The following NOVA1 variants were observed in gnomAD, a reference collection of about 807,000 sequenced individuals.
The protein encoded by NOVA1 is RNA-binding protein Nova-1.
In NOVA1, 7 loss-of-function variants were observed where a neutral mutation model predicts 38.0. The ratio of observed to expected loss-of-function variants is 0.18; its 90% CI spans 0.10 to 0.35. NOVA1 has a LOEUF of 0.35. NOVA1 is among the 10% of genes least tolerant of loss of function. The probability of loss-of-function intolerance (pLI) is 1.00; values close to 1 mark genes in which losing one functional copy is unlikely to be tolerated. For missense variants in NOVA1, 460 were observed against 616.0 expected, an observed-to-expected ratio of 0.75 and a Z score of 2.68; for synonymous variants, 270 against 232.5, an observed-to-expected ratio of 1.16 and a Z score of -1.47.
intron 2 of NOVA1, among the ~76,000 whole-genome samples, chr14:26,569,523 T>C (rs888720815): frequency 6.6e-6 from 1 of 152,220 alleles, no homozygotes; most frequent in African/African-American, 2.4e-5. Context: ...GAAGTAGATG[T>C]GAATGATACG....
chr14:26,577,611 A>G (rs960644314), intron 2 of NOVA1, among the ~76,000 whole-genome samples: 3 of 152,112 alleles, frequency 2.0e-5, no homozygotes, highest in Non-Finnish European at 2.9e-5. Context: ...TAAGGCAAGT[A>G]TCTTAAATAT....
rs930955589 is a variant in NOVA1 at position 26,445,343 on chromosome 14, T to G, written c.*2616A>C. ...GTCTATAAATTTCAGAGAATAAATT[T>G]TTAAACAGCATGAAGCTGATTTACA... On this transcript the variant is annotated 3_prime_UTR_variant, in exon 5 of 5. Transcript: ENST00000539517. The G allele has an allele frequency of 6.6e-6, 1 of 152,216 alleles. No individual in the cohort carries two copies. The highest frequency in any genetic ancestry group is 1.5e-5 in the Non-Finnish European group (1 of 68,050). 9.4% of individuals were successfully genotyped at this position (152,216 alleles called of 1,614,324 possible).
rs1884632967 is a variant in NOVA1 at position 26,472,149 on chromosome 14, A to G, written c.519+171T>C. The G allele has an allele frequency of 5.7e-6, 3 of 526,488 alleles. No individual in the cohort carries two copies. In the Admixed American group the frequency reaches 9.4e-5, roughly 16 times the overall value. The allele number at this position is 526,488 out of a possible 1,614,324, so 32.6% of individuals were successfully genotyped here. A position where few individuals can be genotyped will look rare whatever the true frequency, so the allele number is the denominator to read the frequency against. ...ATTTGTTATCTAAAATTAAAAATGC[A>G]TATAAAATTTTAGAAATAATTGATA... On this transcript the variant is annotated intron_variant, in intron 4 of 4. Coordinates refer to ENST00000539517, the MANE Select transcript of NOVA1 (RefSeq NM_002515.3).
intron 2 of NOVA1, among the ~76,000 whole-genome samples, chr14:26,526,948 T>A (rs576359084): frequency 1.3e-4 from 20 of 152,258 alleles, no homozygotes; most frequent in African/African-American, 4.8e-4. Flanking sequence ...TGCAAGAGTC[T>A]GTACCAGAAT....
intron 2 of NOVA1, among the ~76,000 whole-genome samples, chr14:26,534,524 G>A (rs959252038): frequency 6.6e-6 from 1 of 152,028 alleles, no homozygotes; most frequent in South Asian, 2.1e-4. Flanking sequence ...TAATCACATG[G>A]AGATTTTATA....
rs184004610 is a variant in NOVA1, at chr14:26,538,536, C to A, written c.280+56874G>T. 4.8e-3 allele frequency among the ~76,000 whole-genome samples: 730 copies of A among 151,952 alleles called. 7 individuals are homozygous for A. Among genetic ancestry groups the A allele is most frequent in the Non-Finnish European group, 8.5e-3 (580 of 67,920 alleles). ...AATTATGTTTGATACTTTTGATTAC[C>A]CCATTTCTAATCCATTTACAAATTC... On this transcript the variant is annotated intron_variant, in intron 2 of 4. Coordinates refer to ENST00000539517, the MANE Select transcript of NOVA1 (RefSeq NM_002515.3).
At chr14:26,453,200 G>GTATT (rs199727685) in intron 4 of NOVA1, among the ~76,000 whole-genome samples, 992 of 68,300 alleles carry the variant, frequency 0.015, 12 homozygotes, top group East Asian at 0.071. Context: ...ATGTATGTAT[G>GTATT]TATGTATGTA....
chr14:26,462,896 C>A (rs1039544431), intron 4 of NOVA1, among the ~76,000 whole-genome samples: 1 of 152,052 alleles, frequency 6.6e-6, no homozygotes, highest in Non-Finnish European at 1.5e-5. Flanking sequence ...CTTTTGTATC[C>A]TCTGTTATAT....
chr14:26,582,308 C>G (rs998086509), intron 2 of NOVA1, among the ~76,000 whole-genome samples: 1 of 151,648 alleles, frequency 6.6e-6, no homozygotes, highest in Non-Finnish European at 1.5e-5. Flanking sequence ...TTATTTTTAA[C>G]GCAATCTCCT....
intron 4 of NOVA1, among the ~76,000 whole-genome samples, chr14:26,449,215 A>G (rs1293199463): frequency 6.6e-6 from 1 of 152,122 alleles, no homozygotes; most frequent in Non-Finnish European, 1.5e-5. Context: ...GTCACTGTGA[A>G]TTTTGCAACA....
At chr14:26,590,259 T>C (rs980965332) in intron 2 of NOVA1, among the ~76,000 whole-genome samples, 1 of 151,938 alleles carries the variant, frequency 6.6e-6, no homozygotes, top group African/African-American at 2.4e-5. Context: ...TCTGCAGATG[T>C]TGTTTAACTT....
intron 2 of NOVA1, among the ~76,000 whole-genome samples, chr14:26,516,423 A>T (rs1478563657): frequency 1.3e-5 from 2 of 151,954 alleles, no homozygotes; most frequent in African/African-American, 2.4e-5. Flanking sequence ...TACCACTTTA[A>T]TGTTTGCCTA....
intron 2 of NOVA1, among the ~76,000 whole-genome samples, chr14:26,583,263 A>G (rs1893327206): frequency 6.6e-6 from 1 of 151,696 alleles, no homozygotes; most frequent in Non-Finnish European, 1.5e-5. Flanking sequence ...ATTTTTCTCA[A>G]AAAGAATTGA....
chr14:26,509,775 G>A (rs993870466), intron 2 of NOVA1, among the ~76,000 whole-genome samples: 1 of 152,114 alleles, frequency 6.6e-6, no homozygotes, highest in African/African-American at 2.4e-5. Flanking sequence ...CTGCCTCCTG[G>A]GTTCAAGTGA....
At chr14:26,506,821 C>A (rs1430174520) in intron 2 of NOVA1, among the ~76,000 whole-genome samples, 1 of 152,080 alleles carries the variant, frequency 6.6e-6, no homozygotes, top group Non-Finnish European at 1.5e-5. Flanking sequence ...CTCAGGTGAT[C>A]CACCCGCCTC....
At chr14:26,492,388 A>G (rs2138360701) in intron 2 of NOVA1, among the ~76,000 whole-genome samples, 1 of 152,350 alleles carries the variant, frequency 6.6e-6, no homozygotes, top group South Asian at 2.1e-4. Flanking sequence ...CAAGTACCAG[A>G]AAAATGTTTA....
chr14:26,486,324 A>T (rs1885885834), intron 2 of NOVA1, among the ~76,000 whole-genome samples: 1 of 152,064 alleles, frequency 6.6e-6, no homozygotes, highest in South Asian at 2.1e-4. Flanking sequence ...TGATTATAAC[A>T]GGCTCTTCTC....
At chr14:26,527,688 G>T (rs2138534141) in intron 2 of NOVA1, among the ~76,000 whole-genome samples, 1 of 152,248 alleles carries the variant, frequency 6.6e-6, no homozygotes, top group Non-Finnish European at 1.5e-5. Flanking sequence ...GGCACTGACA[G>T]CAGTAGACAC....
At position 26,597,710 on chromosome 14, in the gene NOVA1, G is replaced by T; in HGVS notation, c.-274C>A. 9.5e-7 allele frequency: 1 copy of T among 1,056,292 alleles called. No individual in the cohort carries two copies. The highest frequency in any genetic ancestry group is 1.1e-6 in the Non-Finnish European group (1 of 871,792). The allele number at this position is 1,056,292 out of a possible 1,614,324, so 65.4% of individuals were successfully genotyped here. ...GGGGTGTGAGAGACGGAGGGTGAAA[G>T]AAGAAGAAGAAAGGAGACAGGGGGA... On this transcript the variant is annotated 5_prime_UTR_variant, in exon 1 of 5. Transcript: ENST00000539517.
Sources: gnomAD v4.1 joint callset for allele counts (sites outside exome capture counted in the v4.1 genomes callset) on GRCh38, gnomAD v4.1.1 for gene constraint, MANE v1.5 for transcripts, NCBI Gene and HGNC (gene_info 2026-07-23, HGNC 2026-07-21) for gene names.